The following NIBAN1 variants were observed in gnomAD, a reference collection of about 807,000 sequenced individuals.
The protein encoded by NIBAN1 is protein Niban 1.
NIBAN1 carries 81 observed loss-of-function variants against 75.1 expected under a neutral mutation model. That is an observed-to-expected ratio of 1.08 (90% CI 0.90 to 1.30). NIBAN1 has a LOEUF of 1.30. Among genes scored for constraint, NIBAN1 ranks in the 50% most tolerant of loss-of-function variants. The pLI, the probability that NIBAN1 is intolerant of heterozygous loss-of-function variation, is 0.00. For synonymous variants in NIBAN1, 436 were observed against 424.8 expected (o/e 1.03, Z -0.32); for missense variants, 1,133 against 1,128.1 (o/e 1.00, Z -0.06).
intron 11 of NIBAN1, 63 bp downstream of exon 11, chr1:184,805,883 T>A: frequency 7.4e-7 from 1 of 1,345,892 alleles, no homozygotes; most frequent in Non-Finnish European, 1.1e-6. Flanking sequence ...TTTTCCACTT[T>A]ACAAAAGAAA....
At chr1:184,921,677 A>G (rs1360679100) in intron 1 of NIBAN1, among the ~76,000 whole-genome samples, 3 of 152,220 alleles carry the variant, frequency 2.0e-5, no homozygotes, top group Non-Finnish European at 4.4e-5. Context: ...GTATGTAACA[A>G]TCAAGGCAAA....
At chr1:184,895,192 C>T (rs1373314450) in intron 2 of NIBAN1, among the ~76,000 whole-genome samples, 2 of 152,086 alleles carry the variant, frequency 1.3e-5, no homozygotes, top group African/African-American at 2.4e-5. Context: ...ACAGATAATG[C>T]GGCAGTCCCC....
chr1:184,812,377 T>C (rs1342998398), intron 9 of NIBAN1, among the ~76,000 whole-genome samples: 1 of 152,164 alleles, frequency 6.6e-6, no homozygotes, highest in Admixed American at 6.5e-5. Flanking sequence ...AATTTTCCTT[T>C]ATGACGTGGC....
chr1:184,886,559 C>T (rs975196880), intron 4 of NIBAN1, among the ~76,000 whole-genome samples: 2 of 152,160 alleles, frequency 1.3e-5, no homozygotes, highest in Non-Finnish European at 2.9e-5. Flanking sequence ...TCATTTTAAA[C>T]CGACTACTAT....
intron 1 of NIBAN1, among the ~76,000 whole-genome samples, chr1:184,932,559 C>T (rs566779484): frequency 3.3e-5 from 5 of 152,314 alleles, no homozygotes; most frequent in African/African-American, 1.2e-4. Context: ...GCTTCGCTTG[C>T]TCATCTGCTG....
chr1:184,855,746 G>C (rs766112463), intron 5 of NIBAN1, among the ~76,000 whole-genome samples: 4 of 152,082 alleles, frequency 2.6e-5, no homozygotes, highest in African/African-American at 4.8e-5. Context: ...ACAAGAACAG[G>C]CATCTTTGTT....
rs934952834 is a variant in NIBAN1 at position 184,881,999 on chromosome 1, G to T, written c.601+2634C>A. On this transcript the variant is annotated intron_variant, in intron 5 of 13. Coordinates refer to ENST00000367511, the MANE Select transcript of NIBAN1 (RefSeq NM_052966.4). ...ATTTCCAGCTCCTGTTTAAGATGGA[G>T]TTGCTCTGGTTCACACGCCTCTGAT... Among the ~76,000 whole-genome samples the T allele has an allele frequency of 2.0e-5, 3 of 152,276 alleles. No homozygotes were observed. In the East Asian group the frequency reaches 5.8e-4, roughly 29 times the overall value.
At chr1:184,956,562 A>G (rs1441641449) in intron 1 of NIBAN1, among the ~76,000 whole-genome samples, 1 of 152,192 alleles carries the variant, frequency 6.6e-6, no homozygotes, top group Non-Finnish European at 1.5e-5. Flanking sequence ...TTAGAATAGC[A>G]CTTCTTCAAA....
At chr1:184,818,861 G>C in intron 8 of NIBAN1, 36 bp from the exon 9 acceptor site, 1 of 1,544,836 alleles carries the variant, frequency 6.5e-7, no homozygotes, top group Middle Eastern at 2.2e-4. Context: ...CGTGACATAT[G>C]GCAAAACTGG....
intron 5 of NIBAN1, among the ~76,000 whole-genome samples, chr1:184,835,573 G>T (rs1655116653): frequency 6.6e-6 from 1 of 152,140 alleles, no homozygotes; most frequent in South Asian, 2.1e-4. Flanking sequence ...CTTGTAAGTT[G>T]GATTCCTAGG....
intron 1 of NIBAN1, among the ~76,000 whole-genome samples, chr1:184,971,674 A>G (rs1007552578): frequency 1.3e-5 from 2 of 152,158 alleles, no homozygotes; most frequent in African/African-American, 4.8e-5. Context: ...GTCTCAAAAA[A>G]AAAGGATCAT....
chr1:184,953,229 G>A (rs1658402806), intron 1 of NIBAN1, among the ~76,000 whole-genome samples: 1 of 152,174 alleles, frequency 6.6e-6, no homozygotes, highest in African/African-American at 2.4e-5. Flanking sequence ...AAGGTTAGAG[G>A]AGGCTAGATA....
At chr1:184,889,427 C>A (rs1656610572) in intron 4 of NIBAN1, among the ~76,000 whole-genome samples, 1 of 151,954 alleles carries the variant, frequency 6.6e-6, no homozygotes, top group Admixed American at 6.6e-5. Context: ...TATAGATATG[C>A]AAATTAATGC....
At chr1:184,943,719 TAATA>T (rs1658153225) in intron 1 of NIBAN1, among the ~76,000 whole-genome samples, 1 of 151,956 alleles carries the variant, frequency 6.6e-6, no homozygotes. Context: ...ATAATAATAA[TAATA>T]AATAAATAAA....
Position 184,859,491 on chromosome 1 carries a change from A to G in NIBAN1, c.601+25142T>C, listed in dbSNP as rs1037283427. ...TCCAGCTCTGGCATCATTATTTGAT[A>G]CCTCTGCTTTCCGTGTCACTGGGTT... On this transcript the variant is annotated intron_variant, in intron 5 of 13. Transcript: ENST00000367511. Among the ~76,000 whole-genome samples, 5 of 152,086 alleles carry G rather than the reference A, an allele frequency of 3.3e-5. No individual in the cohort carries two copies. The East Asian group carries it at 9.6e-4, about 29-fold the overall frequency.
rs145818889 is a variant in NIBAN1, at chr1:184,823,648, G to T, written c.812C>A (p.Thr271Lys). Reference protein sequence around the residue: ...MKGKKNDRKRTWLGLLEEAYT... With the variant: ...MKGKKNDRKRKWLGLLEEAYT... ...AAAACCATTGCTTACACCAAGCCAC[G>T]TCCTCTTTCTGTCATTCTTCTTCCC... The change falls in exon 7 of 14, where the codon ACG becomes AAG. Residue 271 changes from threonine to lysine, a missense_variant. Physicochemically the swap from Thr to Lys is moderately conservative, Grantham distance 78. Transcript: ENST00000367511. The T allele has an allele frequency of 1.9e-6, 3 of 1,613,988 alleles. No homozygotes were observed.
chr1:184,846,912 G>C (rs1655453870), intron 5 of NIBAN1, among the ~76,000 whole-genome samples: 1 of 64,992 alleles, frequency 1.5e-5, no homozygotes, highest in African/African-American at 8.3e-5. Context: ...GGCGAGAAGG[G>C]AAGTTTAGAG....
chr1:184,827,574 T>TTTTTTTTTTA (rs1553217806), intron 6 of NIBAN1, among the ~76,000 whole-genome samples: 4 of 150,776 alleles, frequency 2.7e-5, no homozygotes, highest in African/African-American at 9.8e-5. Flanking sequence ...TTTTTTTTTT[T>TTTTTTTTTTA]AATGGGGGGT....
intron 1 of NIBAN1, among the ~76,000 whole-genome samples, chr1:184,914,717 CTTTCT>C (rs1373725001): frequency 3.7e-5 from 5 of 134,018 alleles, no homozygotes; most frequent in African/African-American, 9.1e-5. Flanking sequence ...GTTTAGTTAA[CTTTCT>C]TTTTTTTTTT....
Sources: allele counts gnomAD v4.1 joint callset (sites outside exome capture counted in the v4.1 genomes callset), GRCh38; gene constraint gnomAD v4.1.1; transcripts MANE v1.5; gene names NCBI Gene and HGNC (gene_info 2026-07-23, HGNC 2026-07-21).